BLTP2: variants seen among roughly 807,000 people sequenced by gnomAD.
The protein encoded by BLTP2 is bridge-like lipid transfer protein family member 2, also known as U937-associated antigen.
At chr17:28,616,872 A>C in the BLTP2 span, 1 of 1,609,744 alleles carries the variant, frequency 6.2e-7, no homozygotes. This position sits in a 1 kb window ranked among gnomAD's most constrained non-coding sequence, Gnocchi z 4.8. Flanking sequence ...CAGGTCCCTA[A>C]GGGACTGCTT....
At chr17:28,624,435 GA>G in the BLTP2 span, 1 of 1,571,914 alleles carries the variant, frequency 6.4e-7, no homozygotes, top group Non-Finnish European at 8.7e-7. Flanking sequence ...GTCTCAAAGG[GA>G]AAGACTTTTC....
the BLTP2 span, chr17:28,616,674 C>G: frequency 1.2e-6 from 2 of 1,614,230 alleles, no homozygotes; most frequent in Non-Finnish European, 1.7e-6. This position sits in a 1 kb window ranked among gnomAD's most constrained non-coding sequence, Gnocchi z 4.8. Flanking sequence ...ATCTTCCACA[C>G]TTCGGCCAGG....
chr17:28,629,761 G>A, the BLTP2 span, among the ~76,000 whole-genome samples: 1 of 152,108 alleles, frequency 6.6e-6, no homozygotes, highest in South Asian at 2.1e-4. Context: ...TTACAGTCGT[G>A]AGCCACTATA....
the BLTP2 span, chr17:28,620,575 T>G: frequency 6.2e-7 from 1 of 1,614,164 alleles, no homozygotes; most frequent in Non-Finnish European, 8.5e-7. Context: ...CATACTGAGC[T>G]GGGTTGGTGG....
chr17:28,620,095 G>C, the BLTP2 span: 11 of 1,298,184 alleles, frequency 8.5e-6, no homozygotes, highest in Non-Finnish European at 1.2e-5. Flanking sequence ...AAAGGAGAAA[G>C]AAATGGGGGG....
chr17:28,645,111 C>T, the BLTP2 span: 1 of 1,505,490 alleles, frequency 6.6e-7, no homozygotes, highest in Non-Finnish European at 9.0e-7. Flanking sequence ...CGGGCCCCGA[C>T]GCCGGATCCG....
the BLTP2 span, chr17:28,618,919 G>T: frequency 6.2e-7 from 1 of 1,614,112 alleles, no homozygotes; most frequent in Admixed American, 1.7e-5. Context: ...TCTTCTTGCT[G>T]CTTTCGCAGC....
the BLTP2 span, chr17:28,624,210 G>A: frequency 6.0e-4 from 969 of 1,609,642 alleles, 9 homozygotes; most frequent in Middle Eastern, 8.8e-3. Context: ...CTGATGTTGA[G>A]GTAACTTGTA....
the BLTP2 span, chr17:28,620,066 G>C: frequency 6.6e-7 from 1 of 1,526,442 alleles, no homozygotes; most frequent in South Asian, 1.2e-5. Context: ...GACAAGTCTT[G>C]TAGTAAAGTG....
chr17:28,643,334 T>C, the BLTP2 span: 1 of 1,613,274 alleles, frequency 6.2e-7, no homozygotes, highest in Non-Finnish European at 8.5e-7. Context: ...GAAATCTCAC[T>C]GCCACCAGGT....
the BLTP2 span, among the ~76,000 whole-genome samples, chr17:28,632,409 G>A: frequency 6.6e-6 from 1 of 152,096 alleles, no homozygotes; most frequent in Non-Finnish European, 1.5e-5. Flanking sequence ...TAAGCTCTCT[G>A]CTTTCCCCTA....
the BLTP2 span, chr17:28,620,453 CAA>C: frequency 6.3e-7 from 1 of 1,592,512 alleles, no homozygotes; most frequent in Non-Finnish European, 8.6e-7. Context: ...AAATAAAGCA[CAA>C]AGTCTGGGTG....
chr17:28,632,847 C>G, the BLTP2 span: 1 of 938,268 alleles, frequency 1.1e-6, no homozygotes, highest in Non-Finnish European at 1.5e-6. Context: ...CTTCTCCCCT[C>G]CCCTCCCCTC....
chr17:28,632,945 C>A, the BLTP2 span: 1 of 1,524,004 alleles, frequency 6.6e-7, no homozygotes, highest in Non-Finnish European at 8.8e-7. Context: ...GCCTCACTTC[C>A]ACTGTGCCGA....
chr17:28,618,276 G>T, the BLTP2 span, among the ~76,000 whole-genome samples: 1 of 151,766 alleles, frequency 6.6e-6, no homozygotes, highest in South Asian at 2.1e-4. Context: ...TTTAGAGACA[G>T]GGTCTCACTC....
the BLTP2 span, chr17:28,638,498 G>A: frequency 2.5e-6 from 4 of 1,598,882 alleles, no homozygotes; most frequent in South Asian, 2.2e-5. Context: ...ACAGATTCTT[G>A]TTCCTATTCC....
chr17:28,638,570 A>T, the BLTP2 span: 4 of 1,613,110 alleles, frequency 2.5e-6, no homozygotes, highest in Non-Finnish European at 3.4e-6. Context: ...GTGTATCTCC[A>T]AGTTGAATGG....
At chr17:28,632,839 T>C in the BLTP2 span, 3 of 855,336 alleles carry the variant, frequency 3.5e-6, no homozygotes, top group Non-Finnish European at 5.2e-6. Flanking sequence ...CCCTTGCCCT[T>C]CTCCCCTCCC....
At chr17:28,628,519 T>G in the BLTP2 span, 1 of 1,614,178 alleles carries the variant, frequency 6.2e-7, no homozygotes, top group Non-Finnish European at 8.5e-7. Context: ...GTGCAGCTGA[T>G]GTGTATGAAA....
Sources: gnomAD v4.1 joint callset for allele counts (sites outside exome capture counted in the v4.1 genomes callset) on GRCh38, gnomAD v4.1.1 for gene constraint, Gnocchi (gnomAD v3.1) non-coding constraint, MANE v1.5 for transcripts, NCBI Gene and HGNC (gene_info 2026-07-23, HGNC 2026-07-21) for gene names.